Variants in PCDHGB2 observed in about 807,000 individuals in gnomAD.
The protein encoded by PCDHGB2 is protocadherin gamma-B2.
A neutral mutation model predicts 59.3 loss-of-function variants in PCDHGB2; 55 were observed. The ratio of observed to expected loss-of-function variants is 0.93; its 90% CI spans 0.75 to 1.16. PCDHGB2 has a LOEUF of 1.16. PCDHGB2 is among the 50% of genes most tolerant of loss of function. The pLI, the probability that PCDHGB2 is intolerant of heterozygous loss-of-function variation, is 0.00. For missense variants in PCDHGB2, 1,228 were observed against 1,198.5 expected, an observed-to-expected ratio of 1.02 and a Z score of -0.36; for synonymous variants, 516 against 512.0, an observed-to-expected ratio of 1.01 and a Z score of -0.11.
At chr5:141,421,870 G>A in intron 1 of PCDHGB2, 1 of 1,613,758 alleles carries the variant, frequency 6.2e-7, no homozygotes, top group Non-Finnish European at 8.5e-7. Flanking sequence ...CCTCCTCACA[G>A]CTTTAGATGG....
At chr5:141,441,930 G>T in intron 1 of PCDHGB2, 1 of 347,232 alleles carries the variant, frequency 2.9e-6, no homozygotes, top group Non-Finnish European at 5.5e-6. Flanking sequence ...ATGCGTGGCT[G>T]TCCTACCACG....
At chr5:141,410,851 T>A in intron 1 of PCDHGB2, 3 of 207,068 alleles carry the variant, frequency 1.4e-5, no homozygotes, top group Non-Finnish European at 1.7e-5. Flanking sequence ...GTCTTTGTCT[T>A]TTTTTTTTTT....
chr5:141,507,796 G>GGGAA (rs2099863457), intron 3 of PCDHGB2, among the ~76,000 whole-genome samples: 1 of 152,220 alleles, frequency 6.6e-6, no homozygotes, highest in Admixed American at 6.5e-5. Flanking sequence ...GTCTAAGCCT[G>GGGAA]CGCCCTGGGG....
At chr5:141,423,755 GGGGGGT>G in intron 1 of PCDHGB2, 4 of 512,470 alleles carry the variant, frequency 7.8e-6, no homozygotes, top group Non-Finnish European at 1.0e-5. Context: ...CTGTTTGGGG[GGGGGGT>G]GGGGCGGCAT....
At chr5:141,481,919 A>C (rs1488201177) in intron 1 of PCDHGB2, among the ~76,000 whole-genome samples, 1 of 151,214 alleles carries the variant, frequency 6.6e-6, no homozygotes, top group Non-Finnish European at 1.5e-5. Context: ...ATCTCAAAAA[A>C]AAAAAAAAAA....
At chr5:141,488,348 C>T (rs1231687770) in intron 1 of PCDHGB2, among the ~76,000 whole-genome samples, 1 of 152,106 alleles carries the variant, frequency 6.6e-6, no homozygotes, top group Non-Finnish European at 1.5e-5. Flanking sequence ...TAGAAACAGC[C>T]ACCCTGTGCA....
At chr5:141,365,532 A>G in intron 1 of PCDHGB2, 1 of 1,613,862 alleles carries the variant, frequency 6.2e-7, no homozygotes, top group Non-Finnish European at 8.5e-7. Context: ...GTTGATAATT[A>G]CTATCACCTA....
intron 1 of PCDHGB2, among the ~76,000 whole-genome samples, chr5:141,448,214 G>A (rs2098576063): frequency 6.6e-6 from 1 of 152,092 alleles, no homozygotes; most frequent in Non-Finnish European, 1.5e-5. Context: ...CTGTGTGTAT[G>A]CGAATGTATG....
At chr5:141,414,313 T>C in intron 1 of PCDHGB2, 1 of 1,613,748 alleles carries the variant, frequency 6.2e-7, no homozygotes, top group Non-Finnish European at 8.5e-7. Context: ...TGATTTAGAC[T>C]CTGAGCAGAA....
chr5:141,399,735 T>A (rs909521642), intron 1 of PCDHGB2: 1 of 1,613,198 alleles, frequency 6.2e-7, no homozygotes, highest in African/African-American at 1.3e-5. Flanking sequence ...AGGGCTCGCC[T>A]GCGCTCAGCG....
chr5:141,383,987 G>A (rs773186043), intron 1 of PCDHGB2: 70 of 1,613,612 alleles, frequency 4.3e-5, no homozygotes, highest in Admixed American at 3.3e-5. Context: ...ACACCTCTTG[G>A]GACAGTCATT....
In PCDHGB2 at chr5:141,490,594, C is replaced by A. The variant is rs1276468877; in HGVS notation, c.2422-4213C>A. The A allele has an allele frequency of 2.5e-6, 4 of 1,614,056 alleles. No individual in the cohort carries two copies. The highest frequency in any genetic ancestry group is 1.6e-4 in the Middle Eastern group (1 of 6,084). On this transcript the variant is annotated intron_variant, in intron 1 of 3. Transcript: ENST00000522605. The surrounding 1 kb of genome is among the most constrained non-coding windows in gnomAD (Gnocchi z 5.4). ...CATTTCAGATGTCAATGACAATGCA[C>A]CCCGCTTCAACCAGCAGCTTTACAC...
chr5:141,364,947 C>T (rs761720184), intron 1 of PCDHGB2: 2 of 1,613,944 alleles, frequency 1.2e-6, no homozygotes, highest in African/African-American at 1.3e-5. Flanking sequence ...GAGAAAGAGA[C>T]TGTTCACGAC....
In PCDHGB2 at chr5:141,404,943, TAGCTGAC is replaced by T. The variant is rs770372146; in HGVS notation, c.2421+42391_2421+42397del. On this transcript the variant is annotated intron_variant, in intron 1 of 3. Transcript: ENST00000522605. ...GCCACTGTCACGCTCACAGTAGCCA[TAGCTGAC>T]AGCATCCCAGACATCCTGGCTGACC... 24 of 1,613,914 alleles carry T rather than the reference TAGCTGAC, an allele frequency of 1.5e-5. No individual in the cohort carries two copies. In the East Asian group the frequency reaches 4.0e-4, roughly 27 times the overall value.
rs1370734809 is a variant in PCDHGB2 at position 141,361,085 on chromosome 5, T to C, written c.950T>C (p.Leu317Pro). 1 of 1,613,896 alleles carries C rather than the reference T, an allele frequency of 6.2e-7. No individual in the cohort carries two copies. Among genetic ancestry groups the C allele is most frequent in the Non-Finnish European group, 8.5e-7 (1 of 1,179,898 alleles). ...TTTGAGATTGCAAGTAGTTACACTC[T>C]GAGTATCGAAGCAAAAGATCCTGGA... ...LDFEIASSYT[L>P]SIEAKDPGDL... The change falls in exon 1 of 4, where the codon CTG (leucine) becomes CCG (proline). Residue 317 changes from leucine to proline, a missense_variant. Physicochemically the swap from Leu to Pro is moderately conservative, Grantham distance 98. Around this residue, in one of 3 missense-constraint regions of PCDHGB2, gnomAD observed 781 missense variants for 721.6 expected, o/e 1.08. Coordinates refer to ENST00000522605, the MANE Select transcript of PCDHGB2 (RefSeq NM_018923.3).
chr5:141,453,302 T>C (rs189741118), intron 1 of PCDHGB2, among the ~76,000 whole-genome samples: 18 of 152,008 alleles, frequency 1.2e-4, no homozygotes, highest in Middle Eastern at 6.8e-3. Flanking sequence ...TTTATTTATT[T>C]ATTTATTTAT....
chr5:141,476,850 A>C lies in PCDHGB2; in HGVS notation c.2422-17957A>C, dbSNP rs747333239. Reference sequence around the variant, plus strand: ...GCGAATGACAATGCGCCTGTCTTCAACCAGTCCTTGTACCGGGCGCGCGTC... The same window carrying C: ...GCGAATGACAATGCGCCTGTCTTCACCCAGTCCTTGTACCGGGCGCGCGTC... On this transcript the variant is annotated intron_variant, in intron 1 of 3. Transcript: ENST00000522605. The surrounding 1 kb of genome is among the most constrained non-coding windows in gnomAD (Gnocchi z 7.6). The C allele has an allele frequency of 5.6e-6, 9 of 1,613,718 alleles. No individual in the cohort carries two copies. Among genetic ancestry groups the C allele is most frequent in the Non-Finnish European group, 7.6e-6 (9 of 1,180,054 alleles).
Position 141,490,765 on chromosome 5 carries a change from G to A in PCDHGB2, c.2422-4042G>A. The A allele has an allele frequency of 6.2e-7, 1 of 1,614,076 alleles. No individual in the cohort carries two copies. The highest frequency in any genetic ancestry group is 8.5e-7 in the Non-Finnish European group (1 of 1,179,914). ...AGCCCCAGCCTCCTCCTTTGTGTAT[G>A]TCAACCCAGAGGATGGACGGATCTT... On this transcript the variant is annotated intron_variant, in intron 1 of 3. Coordinates refer to ENST00000522605, the MANE Select transcript of PCDHGB2 (RefSeq NM_018923.3). This position sits in a 1 kb window ranked among gnomAD's most constrained non-coding sequence, Gnocchi z 5.4.
Position 141,486,230 on chromosome 5 carries a change from A to C in PCDHGB2, c.2422-8577A>C. On this transcript the variant is annotated intron_variant, in intron 1 of 3. Coordinates refer to ENST00000522605, the MANE Select transcript of PCDHGB2 (RefSeq NM_018923.3). The surrounding 1 kb of genome is among the most constrained non-coding windows in gnomAD (Gnocchi z 5.0). ...TGACAATGCCCCTTACATCACAGTGACCTCAGAGCTTGGAACCCTCCCCGA... is the reference window on the plus strand; with the variant it reads ...TGACAATGCCCCTTACATCACAGTGCCCTCAGAGCTTGGAACCCTCCCCGA... The C allele has an allele frequency of 6.2e-7, 1 of 1,614,016 alleles. No individual in the cohort carries two copies. Among genetic ancestry groups the C allele is most frequent in the Non-Finnish European group, 8.5e-7 (1 of 1,179,964 alleles).
Sources: allele counts gnomAD v4.1 joint callset (sites outside exome capture counted in the v4.1 genomes callset), GRCh38; gene constraint gnomAD v4.1.1; regional missense constraint gnomAD v4.1.1; non-coding constraint Gnocchi (gnomAD v3.1); transcripts MANE v1.5; gene names NCBI Gene and HGNC (gene_info 2026-07-23, HGNC 2026-07-21).